RABEPK: variants seen among roughly 807,000 people sequenced by gnomAD.
RABEPK encodes the protein 40 kDa Rab9 effector protein.
Under a neutral mutation model 34.1 loss-of-function variants are expected in RABEPK, and 27 were observed. The ratio of observed to expected loss-of-function variants is 0.79; its 90% CI spans 0.58 to 1.09. The LOEUF (loss-of-function observed/expected upper bound fraction) is 1.09. RABEPK is among the 50% of genes least tolerant of loss of function. The probability of loss-of-function intolerance (pLI) is 0.00; values close to 1 mark genes in which losing one functional copy is unlikely to be tolerated. For missense variants in RABEPK, 449 were observed against 462.6 expected, an observed-to-expected ratio of 0.97 and a Z score of 0.27; for synonymous variants, 172 against 169.2, an observed-to-expected ratio of 1.02 and a Z score of -0.13.
rs71495549 is a variant in RABEPK, at chr9:125,218,050, G to A, written c.365-2489G>A. 7.9e-5 allele frequency among the ~76,000 whole-genome samples: 12 copies of A among 151,930 alleles called. No homozygotes were observed. The East Asian group carries it at 1.9e-3, about 24-fold the overall frequency. On this transcript the variant is annotated intron_variant, in intron 4 of 7. Transcript: ENST00000373538. The stretch of plus-strand genomic sequence containing the variant: ...GTTCAGGCCCGGCGCGGTAGCTCAC[G>A]CCTGTAATCTCAGCACTTTGGGAGG...
intron 2 of RABEPK, among the ~76,000 whole-genome samples, chr9:125,206,763 C>T (rs1830251160): frequency 6.6e-6 from 1 of 152,118 alleles, no homozygotes. Flanking sequence ...GACGTCTTGT[C>T]TCAGTCTTCA....
chr9:125,229,265 GAAAA>G (rs1303974734), intron 6 of RABEPK, among the ~76,000 whole-genome samples: 1 of 148,166 alleles, frequency 6.7e-6, no homozygotes, highest in African/African-American at 2.5e-5. Context: ...AAAAAAAAAA[GAAAA>G]AAAGAAAAAA....
At chr9:125,213,926 G>C (rs1830748407) in intron 4 of RABEPK, among the ~76,000 whole-genome samples, 1 of 152,038 alleles carries the variant, frequency 6.6e-6, no homozygotes, top group Non-Finnish European at 1.5e-5. Flanking sequence ...TTTGAGATTG[G>C]CCTGGCCAGC....
At chr9:125,224,198 A>G (rs1831559241) in intron 5 of RABEPK, among the ~76,000 whole-genome samples, 1 of 122,646 alleles carries the variant, frequency 8.2e-6, no homozygotes, top group East Asian at 2.0e-4. Context: ...TCTATCTCAA[A>G]AAACAAAAAC....
Position 125,227,913 on chromosome 9 carries a change from C to T in RABEPK, c.530C>T (p.Thr177Ile). The change falls in exon 6 of 8, where the codon ACT (threonine) becomes ATT (isoleucine). Residue 177 changes from threonine to isoleucine, a missense_variant. Transcript: ENST00000373538. Reference protein sequence around the residue: ...DTKLHVFDANTLTWSQPETLG... With the variant: ...DTKLHVFDANILTWSQPETLG... Reference sequence around the variant, plus strand: ...GTTATTGAATTTACTTTTCTAGACACTCTGACCTGGTCACAGCCAGAGACA... The same window carrying T: ...GTTATTGAATTTACTTTTCTAGACATTCTGACCTGGTCACAGCCAGAGACA... The T allele has an allele frequency of 6.3e-7, 1 of 1,583,156 alleles. No individual in the cohort carries two copies.
chr9:125,203,770 T>G (rs1278638801), intron 2 of RABEPK, among the ~76,000 whole-genome samples: 1 of 152,136 alleles, frequency 6.6e-6, no homozygotes, highest in African/African-American at 2.4e-5. Flanking sequence ...CGGTGGCTCA[T>G]GCCTGTAATC....
At chr9:125,209,482 T>G (rs1830454262) in intron 3 of RABEPK, among the ~76,000 whole-genome samples, 1 of 152,108 alleles carries the variant, frequency 6.6e-6, no homozygotes, top group African/African-American at 2.4e-5. Flanking sequence ...CCTGAATAGC[T>G]GGGATTACAG....
chr9:125,213,167 C>G (rs1330179448), intron 3 of RABEPK, among the ~76,000 whole-genome samples: 2 of 152,148 alleles, frequency 1.3e-5, no homozygotes, highest in Non-Finnish European at 2.9e-5. Context: ...GGGACAGTTT[C>G]CATAGAACGG....
chr9:125,221,667 T>A (rs946914487), intron 5 of RABEPK: 1 of 151,598 alleles, frequency 6.6e-6, no homozygotes, highest in Admixed American at 6.6e-5. Context: ...CCTGGGTGAT[T>A]TTTTTTCTTT....
chr9:125,232,866 A>C, intron 7 of RABEPK, 121 bp downstream of exon 7: 1 of 1,005,884 alleles, frequency 9.9e-7, no homozygotes, highest in Non-Finnish European at 1.4e-6. Context: ...TCACGAGGTC[A>C]GGAGATCGAG....
chr9:125,200,786 C>G lies in RABEPK; in HGVS notation c.-127C>G, dbSNP rs1009894151. On this transcript the variant is annotated 5_prime_UTR_variant, in exon 1 of 8. Coordinates refer to ENST00000373538, the MANE Select transcript of RABEPK (RefSeq NM_005833.4). ...CCCGTCTCCTATCCCCTAGAACTGCCACGTGGGGATGAGATTTGCTGGGCT... is the reference window on the plus strand; with the variant it reads ...CCCGTCTCCTATCCCCTAGAACTGCGACGTGGGGATGAGATTTGCTGGGCT... The G allele has an allele frequency of 2.8e-5, 13 of 471,116 alleles. No individual in the cohort carries two copies. Among genetic ancestry groups the G allele is most frequent in the African/African-American group, 2.6e-4 (13 of 50,106 alleles). 29.2% of individuals were successfully genotyped at this position (471,116 alleles called of 1,614,324 possible). A position where few individuals can be genotyped will look rare whatever the true frequency, so the allele number is the denominator to read the frequency against.
At chr9:125,208,436 G>A (rs1468205363) in intron 3 of RABEPK, among the ~76,000 whole-genome samples, 3 of 151,896 alleles carry the variant, frequency 2.0e-5, no homozygotes, top group South Asian at 2.1e-4. Flanking sequence ...GCAATGGCGC[G>A]ATCTTCACTC....
chr9:125,230,731 T>C (rs1370812249), intron 6 of RABEPK, among the ~76,000 whole-genome samples: 1 of 151,056 alleles, frequency 6.6e-6, no homozygotes, highest in Non-Finnish European at 1.5e-5. Context: ...GAGACAGGGT[T>C]TCACCGTGTT....
intron 1 of RABEPK, among the ~76,000 whole-genome samples, chr9:125,202,494 C>A (rs981514834): frequency 1.3e-4 from 19 of 150,160 alleles, no homozygotes; most frequent in African/African-American, 4.2e-4. Flanking sequence ...TGCACTCCAA[C>A]CTGTGCAACA....
intron 2 of RABEPK, among the ~76,000 whole-genome samples, chr9:125,204,541 A>C (rs1830098724): frequency 6.6e-6 from 1 of 151,798 alleles, no homozygotes; most frequent in Admixed American, 6.6e-5. Flanking sequence ...AGATGGTGCC[A>C]CTGCACTCCA....
chr9:125,229,614 TC>T (rs937072554), intron 6 of RABEPK, among the ~76,000 whole-genome samples: 3 of 152,184 alleles, frequency 2.0e-5, no homozygotes, highest in Non-Finnish European at 4.4e-5. Context: ...CTCTTAACCT[TC>T]CAACAGTGCT....
At chr9:125,225,412 A>G (rs1215690213) in intron 5 of RABEPK, among the ~76,000 whole-genome samples, 3 of 149,822 alleles carry the variant, frequency 2.0e-5, no homozygotes, top group African/African-American at 7.4e-5. Context: ...GGCTGGATGC[A>G]GTGGCTCATG....
intron 3 of RABEPK, among the ~76,000 whole-genome samples, chr9:125,208,641 T>G (rs963192046): frequency 1.3e-5 from 2 of 151,970 alleles, no homozygotes; most frequent in Non-Finnish European, 2.9e-5. Flanking sequence ...GTTCAAGCGA[T>G]TCTCCTGCCT....
chr9:125,201,252 G>A (rs1460615713), intron 1 of RABEPK, among the ~76,000 whole-genome samples: 3 of 152,200 alleles, frequency 2.0e-5, no homozygotes, highest in African/African-American at 7.2e-5. Flanking sequence ...TTAACTAGGA[G>A]TTTGCAAATT....
Sources: allele counts gnomAD v4.1 joint callset (sites outside exome capture counted in the v4.1 genomes callset), GRCh38; gene constraint gnomAD v4.1.1; transcripts MANE v1.5; gene names NCBI Gene and HGNC (gene_info 2026-07-23, HGNC 2026-07-21).